The following SEC24A variants were observed in gnomAD, a reference collection of about 807,000 sequenced individuals.
The protein encoded by SEC24A is protein transport protein Sec24A.
In SEC24A, 93 loss-of-function variants were observed where a neutral mutation model predicts 129.4. That is an observed-to-expected ratio of 0.72 (90% CI 0.61 to 0.85). The LOEUF is 0.85. SEC24A is among the 40% of genes least tolerant of loss of function. SEC24A has a pLI of 0.00. For missense variants in SEC24A, 1,264 were observed against 1,307.4 expected (o/e 0.97, Z 0.51); for synonymous variants, 460 against 467.3 (o/e 0.98, Z 0.20).
chr5:134,706,963 A>G (rs1276285482), intron 17 of SEC24A, among the ~76,000 whole-genome samples: 1 of 152,124 alleles, frequency 6.6e-6, no homozygotes, highest in Admixed American at 6.6e-5. Context: ...TGCTGGGATT[A>G]CAGGCATGAG....
intron 1 of SEC24A, among the ~76,000 whole-genome samples, chr5:134,660,055 C>G (rs1431522220): frequency 6.6e-6 from 1 of 151,922 alleles, no homozygotes; most frequent in African/African-American, 2.4e-5. Context: ...ACCTCTTTAG[C>G]GTATTAGCTT....
intron 1 of SEC24A, among the ~76,000 whole-genome samples, chr5:134,654,697 T>C (rs1750180751): frequency 6.6e-6 from 1 of 152,068 alleles, no homozygotes; most frequent in Non-Finnish European, 1.5e-5. Context: ...CAAAGCCAGT[T>C]AGAAACTGCA....
chr5:134,660,198 C>CAAA (rs549425619), intron 1 of SEC24A, among the ~76,000 whole-genome samples: 1 of 89,160 alleles, frequency 1.1e-5, no homozygotes, highest in Non-Finnish European at 2.4e-5. Flanking sequence ...TCTGTCTCTA[C>CAAA]AAAAAAAAAA....
At position 134,666,942 on chromosome 5, in the gene SEC24A, T is replaced by C. The variant is rs1422523547; in HGVS notation, c.685T>C (p.Ser229Pro). 1.9e-6 allele frequency: 3 copies of C among 1,612,674 alleles called. No homozygotes were observed. In the African/African-American group the frequency reaches 4.0e-5, roughly 22 times the overall value. ...AGTGAGGGCCCTCACGCCCCTGACA[T>C]CATCATATAGAGATGTACCCCAGCC... ...PPVRALTPLT[S>P]SYRDVPQPLF... The change falls in exon 3 of 23, where the codon TCA (serine) becomes CCA (proline). Residue 229 changes from serine to proline, a missense_variant. Coordinates refer to ENST00000398844, the MANE Select transcript of SEC24A (RefSeq NM_021982.3).
intron 13 of SEC24A, among the ~76,000 whole-genome samples, chr5:134,695,878 CG>C (rs1179308021): frequency 1.5e-4 from 21 of 144,154 alleles, no homozygotes; most frequent in Non-Finnish European, 2.8e-4. Context: ...TGCTTGAACC[CG>C]GGAGGCAGTG....
intron 15 of SEC24A, among the ~76,000 whole-genome samples, chr5:134,699,793 A>G (rs1269082458): frequency 7.0e-6 from 1 of 143,782 alleles, no homozygotes; most frequent in Non-Finnish European, 1.5e-5. Flanking sequence ...TCCATCTCCC[A>G]GGTTCAAGCA....
At chr5:134,674,941 AT>A in intron 5 of SEC24A, 103 bp from the exon 6 acceptor site, 2 of 1,173,504 alleles carry the variant, frequency 1.7e-6, no homozygotes, top group South Asian at 3.6e-5. Context: ...GAACCAAAAG[AT>A]TGGCCAAGAG....
At chr5:134,723,752 A>AG (rs1554142932) in intron 22 of SEC24A, 82 bp downstream of exon 22, 4 of 769,854 alleles carry the variant, frequency 5.2e-6, no homozygotes, top group African/African-American at 1.7e-5. Context: ...GCAAAAAAAA[A>AG]GAAGAAAGAA....
chr5:134,724,780 A>G (rs937972215), intron 22 of SEC24A, among the ~76,000 whole-genome samples, 200 bp from the exon 23 acceptor site: 8 of 152,154 alleles, frequency 5.3e-5, no homozygotes, highest in African/African-American at 1.7e-4. Context: ...TGGATCAACT[A>G]TTTCTCTTAA....
intron 17 of SEC24A, among the ~76,000 whole-genome samples, chr5:134,707,638 G>GT: frequency 6.6e-6 from 1 of 152,060 alleles, no homozygotes; most frequent in South Asian, 2.1e-4. Context: ...CTATTTTTTT[G>GT]TTTAAGTTAC....
intron 19 of SEC24A, chr5:134,715,684 T>A (rs1752456389): frequency 6.5e-6 from 1 of 153,450 alleles, no homozygotes; most frequent in Non-Finnish European, 1.4e-5. Context: ...CTGGGTCCTG[T>A]CAGGGGGTGG....
intron 2 of SEC24A, among the ~76,000 whole-genome samples, chr5:134,662,963 G>A (rs961638718): frequency 9.9e-5 from 15 of 151,942 alleles, no homozygotes; most frequent in South Asian, 2.1e-4. Context: ...GTGCCACTGC[G>A]CTCCGGCCTA....
intron 18 of SEC24A, among the ~76,000 whole-genome samples, chr5:134,710,060 C>T (rs1023841818): frequency 2.6e-5 from 4 of 151,526 alleles, no homozygotes; most frequent in Non-Finnish European, 5.9e-5. Context: ...CCACTATATC[C>T]GACTAATTTT....
chr5:134,714,074 C>G (rs1256745391), intron 18 of SEC24A, among the ~76,000 whole-genome samples: 1 of 151,748 alleles, frequency 6.6e-6, no homozygotes, highest in Non-Finnish European at 1.5e-5. Flanking sequence ...CTTTTTTCTT[C>G]TCCATTTTTA....
At chr5:134,674,594 T>C (rs550991723) in intron 4 of SEC24A, 21 bp from the exon 5 acceptor site, 1 of 1,603,772 alleles carries the variant, frequency 6.2e-7, no homozygotes, top group Non-Finnish European at 8.5e-7. Flanking sequence ...AAATAGAACT[T>C]AAAAGTTACC....
At chr5:134,693,647 G>A (rs1297032296) in intron 12 of SEC24A, 80 bp from the exon 13 acceptor site, 3 of 1,530,946 alleles carry the variant, frequency 2.0e-6, no homozygotes, top group Admixed American at 2.0e-5. Flanking sequence ...TCAATGTCTT[G>A]TCTATTGTAT....
Position 134,693,729 on chromosome 5 carries a change from C to T in SEC24A, c.1782C>T (p.Leu594=), listed in dbSNP as rs752636173. 1.6e-5 allele frequency: 26 copies of T among 1,612,120 alleles called. No individual in the cohort carries two copies. The highest frequency in any genetic ancestry group is 4.0e-5 in the African/African-American group (3 of 74,824). Residue 594 remains leucine, a splice_region_variant and synonymous_variant, in exon 13 of 23, where the codon CTC becomes CTT. Transcript: ENST00000398844. Reference sequence around the variant, plus strand: ...GTTTTCTTGCTTTGTTTTACAAGCTCGTGCAAGATTTACTGAAAACTTTGC... The same window carrying T: ...GTTTTCTTGCTTTGTTTTACAAGCTTGTGCAAGATTTACTGAAAACTTTGC... ...LLVNLNESKE[L]VQDLLKTLPQ...
chr5:134,667,391 C>G (rs1474823868), intron 3 of SEC24A, among the ~76,000 whole-genome samples: 1 of 152,052 alleles, frequency 6.6e-6, no homozygotes, highest in African/African-American at 2.4e-5. Flanking sequence ...TGGCTCACAC[C>G]TGTAATCCCA....
At chr5:134,686,503 C>T (rs1407397830) in intron 9 of SEC24A, among the ~76,000 whole-genome samples, 1 of 152,208 alleles carries the variant, frequency 6.6e-6, no homozygotes, top group African/African-American at 2.4e-5. Context: ...TCCCAAAGTG[C>T]TGGGATTACA....
Sources: allele counts gnomAD v4.1 joint callset (sites outside exome capture counted in the v4.1 genomes callset), GRCh38; gene constraint gnomAD v4.1.1; transcripts MANE v1.5; gene names NCBI Gene and HGNC (gene_info 2026-07-23, HGNC 2026-07-21).